KCNN2: variants seen among roughly 807,000 people sequenced by gnomAD.
The protein encoded by KCNN2 is potassium calcium-activated channel subfamily N member 2.
Under a neutral mutation model 55.5 loss-of-function variants are expected in KCNN2, and 24 were observed. The observed-to-expected ratio is 0.43, with a 90% CI of 0.31 to 0.61. The LOEUF (loss-of-function observed/expected upper bound fraction) is 0.61, where lower values mean the gene tolerates loss of function less well. Ranked by LOEUF, KCNN2 falls within the 20% of genes least tolerant of loss-of-function variation. The pLI is 0.08. For synonymous variants in KCNN2, 431 were observed against 336.1 expected (o/e 1.28, Z -3.09); for missense variants, 754 against 853.6 (o/e 0.88, Z 1.45).
chr5:114,479,075 A>G (rs940519314), intron 5 of KCNN2, among the ~76,000 whole-genome samples: 2 of 152,210 alleles, frequency 1.3e-5, no homozygotes, highest in East Asian at 3.9e-4. Context: ...AAATAGGCTG[A>G]ATGCCACAAT....
At chr5:114,291,478 T>C (rs1755886127) in intron 2 of KCNN2, among the ~76,000 whole-genome samples, 1 of 152,206 alleles carries the variant, frequency 6.6e-6, no homozygotes, top group Non-Finnish European at 1.5e-5. Flanking sequence ...CTGAGAATGA[T>C]GGTTTCCAAT....
chr5:114,355,158 A>G (rs967558068), intron 2 of KCNN2, among the ~76,000 whole-genome samples: 1 of 152,186 alleles, frequency 6.6e-6, no homozygotes, highest in African/African-American at 2.4e-5. Context: ...AAATATTCCC[A>G]GAAAGAGAGA....
chr5:114,455,208 G>A (rs939720477), intron 3 of KCNN2, among the ~76,000 whole-genome samples: 2 of 152,094 alleles, frequency 1.3e-5, no homozygotes, highest in Admixed American at 6.5e-5. Flanking sequence ...GTGCTGCATC[G>A]AGCTAGGCGA....
At chr5:114,260,961 G>C (rs4478312) in intron 2 of KCNN2, among the ~76,000 whole-genome samples, 7 of 152,108 alleles carry the variant, frequency 4.6e-5, no homozygotes, top group Non-Finnish European at 7.4e-5. Flanking sequence ...TTTGTCTTTA[G>C]GAACATGTGG....
At chr5:114,439,623 CA>C (rs1356466089) in intron 3 of KCNN2, among the ~76,000 whole-genome samples, 1 of 152,132 alleles carries the variant, frequency 6.6e-6, no homozygotes, top group Non-Finnish European at 1.5e-5. Context: ...GATTCTAATG[CA>C]CCGCCAAGGT....
Position 114,324,989 on chromosome 5 carries a change from G to A in KCNN2, c.-184-35956G>A, listed in dbSNP as rs1048646217. 2.6e-5 allele frequency among the ~76,000 whole-genome samples: 4 copies of A among 152,286 alleles called. No individual in the cohort carries two copies. In the South Asian group the frequency reaches 8.3e-4, roughly 32 times the overall value. The stretch of plus-strand genomic sequence containing the variant: ...AAATATGGATGTTAAAAGCACTGTT[G>A]GTGATAGCTCAAAAAGAAATAAGGA... On this transcript the variant is annotated intron_variant, in intron 2 of 10. Coordinates refer to the KCNN2 transcript ENST00000512097.
chr5:114,487,185 T>C lies in KCNN2; in HGVS notation c.2018+8T>C, dbSNP rs1429897035. On this transcript the variant is annotated splice_region_variant and intron_variant, in intron 6 of 7. Coordinates refer to ENST00000673685, the MANE Select transcript of KCNN2 (RefSeq NM_021614.4). ...CCTGCAAGCTATTCATCAGTAAGTA[T>C]CATTTTTCATTTTTATCCTGTTGTT... 1.9e-6 allele frequency: 3 copies of C among 1,611,164 alleles called. No individual in the cohort carries two copies. The highest frequency in any genetic ancestry group is 2.7e-5 in the African/African-American group (2 of 74,746).
At chr5:114,454,148 T>C (rs922728768) in intron 3 of KCNN2, among the ~76,000 whole-genome samples, 4 of 152,234 alleles carry the variant, frequency 2.6e-5, no homozygotes, top group African/African-American at 7.2e-5. Context: ...GCAAAGGACA[T>C]GAACTCATTC....
intron 2 of KCNN2, among the ~76,000 whole-genome samples, chr5:114,331,471 A>G (rs182438785): frequency 1.3e-4 from 20 of 152,300 alleles, no homozygotes; most frequent in African/African-American, 4.8e-4. Context: ...GCATCGGGAA[A>G]CAAAGAAGCC....
chr5:114,098,623 C>T (rs547537962), intron 1 of KCNN2, among the ~76,000 whole-genome samples: 4 of 151,898 alleles, frequency 2.6e-5, no homozygotes, highest in Non-Finnish European at 4.4e-5. Context: ...CAACCATGTC[C>T]GTGAAAAAAT....
chr5:114,189,495 A>G (rs1753406454), intron 1 of KCNN2, among the ~76,000 whole-genome samples: 1 of 152,204 alleles, frequency 6.6e-6, no homozygotes, highest in Non-Finnish European at 1.5e-5. Flanking sequence ...AAACAGCTTC[A>G]CAGACATACC....
At chr5:114,075,757 G>A (rs999554935) in intron 1 of KCNN2, among the ~76,000 whole-genome samples, 6 of 152,164 alleles carry the variant, frequency 3.9e-5, no homozygotes, top group Admixed American at 2.0e-4. Flanking sequence ...GTCTCAAACA[G>A]TCTGGAAAAG....
At chr5:114,319,384 T>G (rs1756570492) in intron 2 of KCNN2, among the ~76,000 whole-genome samples, 1 of 152,202 alleles carries the variant, frequency 6.6e-6, no homozygotes, top group African/African-American at 2.4e-5. Context: ...GTGCAGTTCA[T>G]ACCCAGCCTT....
At chr5:114,107,182 T>C (rs1751505121) in intron 1 of KCNN2, among the ~76,000 whole-genome samples, 1 of 152,116 alleles carries the variant, frequency 6.6e-6, no homozygotes, top group Non-Finnish European at 1.5e-5. Context: ...GTAGCATCTT[T>C]GTTGTAAAGT....
chr5:114,457,846 T>C (rs546731950), intron 3 of KCNN2, among the ~76,000 whole-genome samples: 22 of 152,328 alleles, frequency 1.4e-4, no homozygotes, highest in African/African-American at 5.1e-4. Context: ...ATTGTATTGC[T>C]CAGTTGTTTT....
rs149748498 is a variant in KCNN2 at position 114,100,358 on chromosome 5, G to C, written c.-271+43858G>C. Among the ~76,000 whole-genome samples the C allele has an allele frequency of 2.4e-4, 36 of 152,196 alleles. No homozygotes were observed. The South Asian group carries it at 5.6e-3, about 24-fold the overall frequency. ...TTTTAAAAGTAAAATGAATCCCAAA[G>C]AAATATTAATTTGTTAAGTTTCTTG... On this transcript the variant is annotated intron_variant, in intron 1 of 10. Coordinates refer to the KCNN2 transcript ENST00000512097.
intron 1 of KCNN2, among the ~76,000 whole-genome samples, chr5:114,179,827 C>T (rs1052847062): frequency 2.0e-5 from 3 of 151,962 alleles, no homozygotes; most frequent in African/African-American, 4.8e-5. Context: ...AATCAAATAC[C>T]GCATTCTCAC....
intron 3 of KCNN2, among the ~76,000 whole-genome samples, chr5:114,461,370 G>C (rs940202689): frequency 2.0e-5 from 3 of 152,122 alleles, no homozygotes; most frequent in Non-Finnish European, 2.9e-5. Context: ...GGTGAGGAAC[G>C]GTGGTGATTT....
At chr5:114,096,847 T>C in intron 1 of KCNN2, among the ~76,000 whole-genome samples, 1 of 152,154 alleles carries the variant, frequency 6.6e-6, no homozygotes, top group East Asian at 1.9e-4. Context: ...ATCTGTAATC[T>C]TTTAGAGGAT....
Sources: allele counts gnomAD v4.1 joint callset (sites outside exome capture counted in the v4.1 genomes callset), GRCh38; gene constraint gnomAD v4.1.1; transcripts MANE v1.5; gene names NCBI Gene and HGNC (gene_info 2026-07-23, HGNC 2026-07-21).